The following DENND2B variants were observed in gnomAD, a reference collection of about 807,000 sequenced individuals.
DENND2B encodes the protein DENN domain-containing protein 2B.
A neutral mutation model predicts 116.0 loss-of-function variants in DENND2B; 32 were observed. The ratio of observed to expected loss-of-function variants is 0.28; its 90% CI spans 0.21 to 0.37. The LOEUF (loss-of-function observed/expected upper bound fraction) is 0.37, where lower values mean the gene tolerates loss of function less well. DENND2B is among the 10% of genes least tolerant of loss of function. DENND2B has a pLI of 1.00. For missense variants in DENND2B, 1,276 were observed against 1,477.7 expected (o/e 0.86, Z 2.24); for synonymous variants, 588 against 583.9 (o/e 1.01, Z -0.10).
chr11:8,802,412 T>G (rs899682152), intron 1 of DENND2B, among the ~76,000 whole-genome samples: 4 of 152,206 alleles, frequency 2.6e-5, no homozygotes, highest in African/African-American at 9.7e-5. Flanking sequence ...CTAGGCACTT[T>G]ACATTTGGCA....
intron 2 of DENND2B, among the ~76,000 whole-genome samples, chr11:8,748,915 C>T (rs1374717566): frequency 6.6e-6 from 1 of 151,786 alleles, no homozygotes; most frequent in Non-Finnish European, 1.5e-5. Flanking sequence ...CTACCCCATT[C>T]CTGTATGGTG....
At chr11:8,824,851 C>G (rs1431268936) in intron 4 of DENND2B, among the ~76,000 whole-genome samples, 2 of 52,950 alleles carry the variant, frequency 3.8e-5, no homozygotes, top group East Asian at 7.0e-4. Flanking sequence ...CCACACCCAG[C>G]TATTTTTTTT....
chr11:8,784,904 A>G (rs1472292169), intron 1 of DENND2B, among the ~76,000 whole-genome samples: 1 of 152,176 alleles, frequency 6.6e-6, no homozygotes, highest in Admixed American at 6.5e-5. Flanking sequence ...GGGTAATCAT[A>G]AGCCGATCTT....
At chr11:8,811,389 G>C (rs1333869443), upstream of DENND2B, 1 of 398,390 alleles carries the variant, frequency 2.5e-6, no homozygotes, top group Non-Finnish European at 4.4e-6. Context: ...TCCTGGGCAA[G>C]TCGAGAGTCA....
chr11:8,767,212 C>T lies in DENND2B; in HGVS notation c.-25-16487G>A, dbSNP rs536966075. Reference sequence around the variant, plus strand: ...TTGGACTGAGTCCTAAGGACAGTGACCAGGATGGAGAGGGCACTCAGAAGC... The same window carrying T: ...TTGGACTGAGTCCTAAGGACAGTGATCAGGATGGAGAGGGCACTCAGAAGC... On this transcript the variant is annotated intron_variant, in intron 1 of 19. Coordinates refer to ENST00000313726, the MANE Select transcript of DENND2B (RefSeq NM_213618.2). Among the ~76,000 whole-genome samples the T allele has an allele frequency of 4.6e-5, 7 of 152,190 alleles. No homozygotes were observed. The East Asian group carries it at 1.4e-3, about 29-fold the overall frequency.
At chr11:8,788,649 T>C (rs1480531088) in intron 1 of DENND2B, among the ~76,000 whole-genome samples, 5 of 152,306 alleles carry the variant, frequency 3.3e-5, no homozygotes, top group South Asian at 4.1e-4. Flanking sequence ...TCAATAGCTA[T>C]GTGGATGGAT....
At chr11:8,877,829 G>A (rs2063860765) in intron 2 of DENND2B, among the ~76,000 whole-genome samples, 2 of 152,222 alleles carry the variant, frequency 1.3e-5, no homozygotes, top group East Asian at 1.9e-4. Flanking sequence ...CATTCAATAA[G>A]CATTTATTAA....
chr11:8,713,962 G>A, intron 8 of DENND2B, 36 bp downstream of exon 8: 3 of 1,612,010 alleles, frequency 1.9e-6, no homozygotes, highest in Admixed American at 3.3e-5. Context: ...CAGCCCTGCT[G>A]GGAGAGCTTC....
upstream of DENND2B, among the ~76,000 whole-genome samples, chr11:8,875,484 G>A (rs1322164797): frequency 1.3e-5 from 2 of 150,744 alleles, no homozygotes; most frequent in East Asian, 3.9e-4. Flanking sequence ...AGGCTGGAGT[G>A]CAGTGGCACA....
chr11:8,871,797 A>C (rs1397260145), upstream of DENND2B, among the ~76,000 whole-genome samples: 1 of 152,214 alleles, frequency 6.6e-6, no homozygotes, highest in African/African-American at 2.4e-5. Context: ...CAATGGAATA[A>C]CAGCACTGAG....
At chr11:8,758,604 T>G (rs2054019412) in intron 1 of DENND2B, among the ~76,000 whole-genome samples, 5 of 152,224 alleles carry the variant, frequency 3.3e-5, no homozygotes, top group Admixed American at 3.3e-4. Context: ...GTTGTCAAGC[T>G]TAAGAAAGCA....
intron 2 of DENND2B, among the ~76,000 whole-genome samples, chr11:8,864,344 T>C (rs991069893): frequency 6.6e-6 from 1 of 152,196 alleles, no homozygotes; most frequent in Non-Finnish European, 1.5e-5. Context: ...CTCGGCTCCC[T>C]ACAGCCTTGA....
Position 8,707,883 on chromosome 11 carries a change from G to C in DENND2B, c.2353-29C>G, listed in dbSNP as rs1394342428. On this transcript the variant is annotated intron_variant, in intron 11 of 19. Transcript: ENST00000313726. The surrounding 1 kb of genome is among the most constrained non-coding windows in gnomAD (Gnocchi z 4.8). ...GGCCAGGACAAGGAGGAGGAGGAGA[G>C]AGACAGACACAGAGAATGCATGATT... 1.3e-6 allele frequency: 2 copies of C among 1,593,466 alleles called. No homozygotes were observed. The highest frequency in any genetic ancestry group is 2.3e-5 in the South Asian group (2 of 87,904).
chr11:8,708,866 G>A (rs955242229), intron 11 of DENND2B, among the ~76,000 whole-genome samples: 11 of 151,824 alleles, frequency 7.2e-5, no homozygotes, highest in African/African-American at 2.7e-4. Context: ...CAGGAGAATC[G>A]CTTGAACCCG....
upstream of DENND2B, among the ~76,000 whole-genome samples, chr11:8,875,488 T>C (rs1439533534): frequency 1.3e-5 from 2 of 151,500 alleles, no homozygotes; most frequent in Non-Finnish European, 1.5e-5. Context: ...TGGAGTGCAG[T>C]GGCACAATCA....
intron 2 of DENND2B, among the ~76,000 whole-genome samples, chr11:8,738,223 C>T (rs531075038): frequency 4.6e-5 from 7 of 152,358 alleles, no homozygotes; most frequent in African/African-American, 1.7e-4. Flanking sequence ...CTGCACTGGA[C>T]GTCTGCTCTC....
chr11:8,875,179 C>T (rs762429621), upstream of DENND2B, among the ~76,000 whole-genome samples: 159 of 151,738 alleles, frequency 1.0e-3, no homozygotes, highest in Non-Finnish European at 1.4e-3. Flanking sequence ...AAAAATTAGC[C>T]GGGCGTGGTG....
rs61756193 is a variant in DENND2B at position 8,712,713 on chromosome 11, G to A, written c.2010C>T (p.His670=). The A allele has an allele frequency of 4.7e-3, 7,509 of 1,612,954 alleles. 44 individuals carry two copies. Among genetic ancestry groups the A allele is most frequent in the Middle Eastern group, 0.023 (138 of 5,982 alleles). ...GGGCGCGCTTCAGCATCGACTGGAT[G>A]TGGACCAGGCGCTGTGTGTGGGCTG... ...RFKAHTQRLV[H]IQSMLKRAPS... is the part of the protein sequence containing the mutation. Residue 670 remains histidine, a synonymous_variant, in exon 9 of 20, where the codon CAC becomes CAT. Coordinates refer to ENST00000313726, the MANE Select transcript of DENND2B (RefSeq NM_213618.2). The surrounding 1 kb of genome is among the most constrained non-coding windows in gnomAD (Gnocchi z 4.4).
intron 1 of DENND2B, among the ~76,000 whole-genome samples, chr11:8,757,956 A>G (rs919090855): frequency 3.3e-5 from 5 of 152,124 alleles, no homozygotes; most frequent in African/African-American, 1.2e-4. Context: ...GACCAAGATC[A>G]CTCACCTAGT....
Sources: gnomAD v4.1 joint callset for allele counts (sites outside exome capture counted in the v4.1 genomes callset) on GRCh38, gnomAD v4.1.1 for gene constraint, Gnocchi (gnomAD v3.1) non-coding constraint, MANE v1.5 for transcripts, NCBI Gene and HGNC (gene_info 2026-07-23, HGNC 2026-07-21) for gene names.